The following COL21A1 variants were observed in gnomAD, a reference collection of about 807,000 sequenced individuals.
COL21A1 encodes the protein collagen alpha-1(XXI) chain.
COL21A1 carries 149 observed loss-of-function variants against 137.9 expected under a neutral mutation model. The ratio of observed to expected loss-of-function variants is 1.08; its 90% CI spans 0.95 to 1.24. The LOEUF (loss-of-function observed/expected upper bound fraction) is 1.24, where lower values mean the gene tolerates loss of function less well. Among genes scored for constraint, COL21A1 ranks in the 50% most tolerant of loss-of-function variants. The pLI is 0.00. For missense variants in COL21A1, 1,167 were observed against 1,158.4 expected (o/e 1.01, Z -0.11); for synonymous variants, 456 against 391.5 (o/e 1.16, Z -1.95).
intron 17 of COL21A1, among the ~76,000 whole-genome samples, chr6:56,098,250 T>G (rs182546537): frequency 3.7e-3 from 249 of 67,800 alleles, no homozygotes; most frequent in African/African-American, 0.011. Context: ...TATATATAAA[T>G]ATATAAATAC....
At chr6:56,065,172 A>G (rs895501017) in intron 23 of COL21A1, among the ~76,000 whole-genome samples, 1 of 152,092 alleles carries the variant, frequency 6.6e-6, no homozygotes, top group Non-Finnish European at 1.5e-5. Context: ...TTGGGTATCT[A>G]CCATTCATGG....
chr6:56,197,078 G>A (rs535166366), intron 1 of COL21A1, among the ~76,000 whole-genome samples: 12 of 151,888 alleles, frequency 7.9e-5, no homozygotes, highest in East Asian at 1.9e-4. Context: ...ATAAATCCAC[G>A]CATATATAGT....
At chr6:56,233,849 T>A (rs1437798006) in intron 1 of COL21A1, among the ~76,000 whole-genome samples, 3 of 150,002 alleles carry the variant, frequency 2.0e-5, no homozygotes, top group Non-Finnish European at 4.4e-5. Flanking sequence ...TAAAAAGAAA[T>A]AAATTTAGCT....
intron 1 of COL21A1, among the ~76,000 whole-genome samples, chr6:56,361,014 A>G (rs576021063): frequency 4.9e-4 from 75 of 152,260 alleles, no homozygotes; most frequent in African/African-American, 1.7e-3. Flanking sequence ...GAATCGCTCA[A>G]ACCTGGGAGG....
chr6:56,315,471 A>T (rs1401418133), intron 1 of COL21A1, among the ~76,000 whole-genome samples: 1 of 152,202 alleles, frequency 6.6e-6, no homozygotes, highest in Non-Finnish European at 1.5e-5. Flanking sequence ...TAAAAAGAAG[A>T]GAAAGAGTGA....
intron 1 of COL21A1, among the ~76,000 whole-genome samples, chr6:56,295,335 T>C (rs1034005501): frequency 6.6e-6 from 1 of 152,060 alleles, no homozygotes; most frequent in Non-Finnish European, 1.5e-5. Context: ...TACCACACTG[T>C]TTTGAATACT....
chr6:56,298,685 A>G (rs1764214388), intron 1 of COL21A1, among the ~76,000 whole-genome samples: 1 of 152,098 alleles, frequency 6.6e-6, no homozygotes, highest in African/African-American at 2.4e-5. Flanking sequence ...CTTCAGAGAA[A>G]CAGGTGACTT....
chr6:56,366,710 T>G (rs567821261), intron 1 of COL21A1, among the ~76,000 whole-genome samples: 167 of 152,298 alleles, frequency 1.1e-3, no homozygotes, highest in African/African-American at 3.8e-3. Context: ...GGCCAACACC[T>G]CTCAAAAGGA....
intron 14 of COL21A1, among the ~76,000 whole-genome samples, chr6:56,124,786 C>T (rs1019560036): frequency 2.0e-5 from 3 of 151,896 alleles, no homozygotes; most frequent in African/African-American, 4.8e-5. Flanking sequence ...GGACTACAGG[C>T]GCCCACTACC....
At chr6:56,371,495 A>G (rs1160109283) in intron 1 of COL21A1, among the ~76,000 whole-genome samples, 1 of 152,106 alleles carries the variant, frequency 6.6e-6, no homozygotes, top group Non-Finnish European at 1.5e-5. Context: ...CTTCAACCCA[A>G]GTTCCCCCCA....
chr6:56,130,920 CA>C (rs1196749849), intron 12 of COL21A1, among the ~76,000 whole-genome samples: 1 of 152,060 alleles, frequency 6.6e-6, no homozygotes, highest in Non-Finnish European at 1.5e-5. Context: ...CAATGGATAG[CA>C]AAGAAGAGAT....
At position 56,098,022 on chromosome 6, in the gene COL21A1, AAT is replaced by A. The variant is rs1262340967; in HGVS notation, c.1812+3448_1812+3449del. Among the ~76,000 whole-genome samples the A allele has an allele frequency of 4.3e-3, 283 of 65,486 alleles. 55 individuals are homozygous for A. The highest frequency in any genetic ancestry group is 0.018 in the African/African-American group (270 of 15,210). 43.0% of individuals were successfully genotyped at this position (65,486 alleles called of 152,430 possible). A position where few individuals can be genotyped will look rare whatever the true frequency, so the allele number is the denominator to read the frequency against. On this transcript the variant is annotated intron_variant, in intron 17 of 29. Transcript: ENST00000244728. Reference sequence around the variant, plus strand: ...ATATATAAATATATAAATATATATAAATATATATGTAAATATATAAATATATA... The same window carrying A: ...ATATATAAATATATAAATATATATAAATATATGTAAATATATAAATATATA...
intron 1 of COL21A1, among the ~76,000 whole-genome samples, chr6:56,303,200 C>A (rs1237390167): frequency 6.6e-6 from 1 of 152,194 alleles, no homozygotes; most frequent in Non-Finnish European, 1.5e-5. Context: ...TTAGGATTGA[C>A]TTGGCAATGT....
intron 17 of COL21A1, among the ~76,000 whole-genome samples, chr6:56,098,427 A>ATATAGATATATATG (rs1769894331): frequency 1.3e-4 from 1 of 7,688 alleles, no homozygotes; most frequent in Non-Finnish European, 1.9e-4. Context: ...ATATAAATAT[A>ATATAGATATATATG]TAAATATATA....
chr6:56,117,311 G>A (rs1772027005), intron 16 of COL21A1, among the ~76,000 whole-genome samples: 1 of 152,012 alleles, frequency 6.6e-6, no homozygotes, highest in African/African-American at 2.4e-5. Flanking sequence ...ATTTATGTCA[G>A]ACACAATGGC....
intron 1 of COL21A1, among the ~76,000 whole-genome samples, chr6:56,206,734 A>G (rs888303974): frequency 2.7e-5 from 4 of 145,588 alleles, no homozygotes; most frequent in African/African-American, 1.0e-4. Flanking sequence ...ATATATATAT[A>G]TATTCTAATC....
At chr6:56,332,905 TA>T (rs1190099569) in intron 1 of COL21A1, among the ~76,000 whole-genome samples, 1 of 152,124 alleles carries the variant, frequency 6.6e-6, no homozygotes, top group African/African-American at 2.4e-5. Flanking sequence ...CTTTAGGTGT[TA>T]AAAATTATAA....
chr6:56,071,988 A>AC (rs1299242995), intron 20 of COL21A1, among the ~76,000 whole-genome samples: 3 of 151,256 alleles, frequency 2.0e-5, no homozygotes, highest in South Asian at 4.2e-4. Context: ...TCCCCTACTA[A>AC]CAGGCCCCAG....
chr6:56,242,540 A>G (rs905725785), intron 1 of COL21A1, among the ~76,000 whole-genome samples: 2 of 152,194 alleles, frequency 1.3e-5, no homozygotes, highest in African/African-American at 2.4e-5. Flanking sequence ...AGTCCAAACA[A>G]AAACTAAGCA....
Sources: allele counts gnomAD v4.1 joint callset (sites outside exome capture counted in the v4.1 genomes callset), GRCh38; gene constraint gnomAD v4.1.1; transcripts MANE v1.5; gene names NCBI Gene and HGNC (gene_info 2026-07-23, HGNC 2026-07-21).